Variants in STARD4 observed in about 807,000 individuals in gnomAD.
STARD4 encodes the protein stAR-related lipid transfer protein 4.
Under a neutral mutation model 24.9 loss-of-function variants are expected in STARD4, and 33 were observed. The observed-to-expected ratio is 1.32, with a 90% CI of 1.00 to 1.77. The LOEUF (loss-of-function observed/expected upper bound fraction) is 1.77, where lower values mean the gene tolerates loss of function less well. STARD4 is among the 40% of genes most tolerant of loss of function. STARD4 has a pLI of 0.00. For synonymous variants in STARD4, 88 were observed against 77.4 expected (o/e 1.14, Z -0.72); for missense variants, 238 against 249.3 (o/e 0.95, Z 0.31).
In STARD4 at chr5:111,498,126, C is replaced by T. The variant is rs1293321894; in HGVS notation, c.*1760G>A. The T allele has an allele frequency of 6.6e-6, 1 of 151,714 alleles. No homozygotes were observed. The highest frequency in any genetic ancestry group is 1.9e-4 in the East Asian group (1 of 5,190). The allele number at this position is 151,714 out of a possible 1,614,324, so 9.4% of individuals were successfully genotyped here. A position where few individuals can be genotyped will look rare whatever the true frequency, so the allele number is the denominator to read the frequency against. On this transcript the variant is annotated 3_prime_UTR_variant, in exon 6 of 6. Transcript: ENST00000296632. ...GTTTTTTTAAAGTACACAGCTAGAGCCCAGCAGATCTAAGGGGCCATCTAG... is the reference window on the plus strand; with the variant it reads ...GTTTTTTTAAAGTACACAGCTAGAGTCCAGCAGATCTAAGGGGCCATCTAG...
intron 3 of STARD4, among the ~76,000 whole-genome samples, chr5:111,504,610 T>A (rs896021907): frequency 2.7e-4 from 41 of 152,254 alleles, no homozygotes; most frequent in Non-Finnish European, 3.8e-4. Context: ...ACCTTTTTTT[T>A]AAAAAAGCAT....
rs1756139654 is a variant in STARD4, at chr5:111,497,111, A to C, written c.*2775T>G. On this transcript the variant is annotated 3_prime_UTR_variant, in exon 6 of 6. Coordinates refer to ENST00000296632, the MANE Select transcript of STARD4 (RefSeq NM_139164.3). ...CAGTATTATGCCAAATATTTCCCAC[A>C]TACACAAGTTTCTAATACGTACTAC... 6.6e-6 allele frequency: 1 copy of C among 152,062 alleles called. No individual in the cohort carries two copies. The highest frequency in any genetic ancestry group is 6.6e-5 in the Admixed American group (1 of 15,242). The allele number at this position is 152,062 out of a possible 1,614,324, so 9.4% of individuals were successfully genotyped here.
chr5:111,511,572 A>G (rs1757287470), intron 1 of STARD4, among the ~76,000 whole-genome samples: 1 of 151,950 alleles, frequency 6.6e-6, no homozygotes, highest in African/African-American at 2.4e-5. Flanking sequence ...TCCCTGTTTT[A>G]CAGAAAGGGA....
chr5:111,502,473 AAAAAAT>A (rs1171067159), intron 3 of STARD4, among the ~76,000 whole-genome samples: 7 of 151,768 alleles, frequency 4.6e-5, no homozygotes, highest in Admixed American at 2.6e-4. Flanking sequence ...CATCTCAAAA[AAAAAAT>A]AAAAATAAAA....
chr5:111,510,513 C>T (rs962691968), intron 1 of STARD4, among the ~76,000 whole-genome samples: 2 of 152,186 alleles, frequency 1.3e-5, no homozygotes, highest in African/African-American at 4.8e-5. Flanking sequence ...AACATTTACA[C>T]GTCAGAGAGA....
chr5:111,499,139 G>T lies in STARD4; in HGVS notation c.*747C>A, dbSNP rs1449523686. 6.6e-6 allele frequency: 1 copy of T among 152,126 alleles called. No individual in the cohort carries two copies. Among genetic ancestry groups the T allele is most frequent in the African/African-American group, 2.4e-5 (1 of 41,432 alleles). 9.4% of individuals were successfully genotyped at this position (152,126 alleles called of 1,614,324 possible). On this transcript the variant is annotated 3_prime_UTR_variant, in exon 6 of 6. Coordinates refer to ENST00000296632, the MANE Select transcript of STARD4 (RefSeq NM_139164.3). ...AAAGATTTGCCTGGATACCTGAATT[G>T]CCTCAAGTTCCCATTTTAGAAGTAA...
rs1756929846 is a variant in STARD4 at position 111,507,273 on chromosome 5, A to G, written c.105+56T>C. The G allele has an allele frequency of 1.4e-6, 2 of 1,421,776 alleles. No individual in the cohort carries two copies. Among genetic ancestry groups the G allele is most frequent in the African/African-American group, 2.9e-5 (2 of 70,050 alleles). The allele number at this position is 1,421,776 out of a possible 1,614,324, so 88.1% of individuals were successfully genotyped here. A position where few individuals can be genotyped will look rare whatever the true frequency, so the allele number is the denominator to read the frequency against. ...GTTCCATTTAATTTTAAAAGTCATC[A>G]ACCAATTCATTAGATAGAAGATATA... is the stretch of plus-strand genomic sequence containing the variant. On this transcript the variant is annotated intron_variant, in intron 2 of 5. Coordinates refer to ENST00000296632, the MANE Select transcript of STARD4 (RefSeq NM_139164.3). This position sits in a 1 kb window ranked among gnomAD's most constrained non-coding sequence, Gnocchi z 4.4.
At chr5:111,508,123 A>G (rs1757000339) in intron 1 of STARD4, among the ~76,000 whole-genome samples, 1 of 152,152 alleles carries the variant, frequency 6.6e-6, no homozygotes, top group Non-Finnish European at 1.5e-5. Context: ...ATAACAATGT[A>G]ATGCCAATTT....
intron 3 of STARD4, among the ~76,000 whole-genome samples, chr5:111,505,672 A>C (rs1756799430): frequency 6.6e-6 from 1 of 152,178 alleles, no homozygotes; most frequent in African/African-American, 2.4e-5. Context: ...CAAGTACTTA[A>C]ATCACTGTTA....
intron 3 of STARD4, among the ~76,000 whole-genome samples, chr5:111,502,693 T>A (rs1455598029): frequency 6.6e-6 from 1 of 151,812 alleles, no homozygotes; most frequent in African/African-American, 2.4e-5. Flanking sequence ...CTTGGGAGGC[T>A]GAGGCAGGAG....
intron 2 of STARD4, among the ~76,000 whole-genome samples, chr5:111,506,822 T>C (rs1051110011): frequency 6.6e-6 from 1 of 152,216 alleles, no homozygotes; most frequent in African/African-American, 2.4e-5. Context: ...TTCCTCATCA[T>C]TTCCCAAGTA....
intron 3 of STARD4, among the ~76,000 whole-genome samples, chr5:111,504,662 A>G (rs1756715625): frequency 6.6e-6 from 1 of 152,168 alleles, no homozygotes. Flanking sequence ...CCAAACTTAT[A>G]TTATCTCCCC....
In STARD4 at chr5:111,507,590, T is replaced by G; in HGVS notation, c.-9-148A>C. 1.9e-6 allele frequency: 1 copy of G among 537,650 alleles called. No homozygotes were observed. Among genetic ancestry groups the G allele is most frequent in the Non-Finnish European group, 3.2e-6 (1 of 313,472 alleles). The allele number at this position is 537,650 out of a possible 1,614,324, so 33.3% of individuals were successfully genotyped here. On this transcript the variant is annotated intron_variant, in intron 1 of 5. Coordinates refer to ENST00000296632, the MANE Select transcript of STARD4 (RefSeq NM_139164.3). The surrounding 1 kb of genome is among the most constrained non-coding windows in gnomAD (Gnocchi z 4.4). ...CCCCAAATCAACTAATCATAATCTC[T>G]GAGAGTAGGACCCGGGCATAGTTTT...
chr5:111,512,187 C>A (rs182543630), intron 1 of STARD4, 198 bp downstream of exon 1: 1 of 152,448 alleles, frequency 6.6e-6, no homozygotes, highest in Admixed American at 6.5e-5. Flanking sequence ...CTCCCAGGGG[C>A]TCAGGTTTCT....
In STARD4 at chr5:111,507,404, A is replaced by G; in HGVS notation, c.30T>C (p.Phe10=). 6.2e-7 allele frequency: 1 copy of G among 1,613,698 alleles called. No homozygotes were observed. Among genetic ancestry groups the G allele is most frequent in the Non-Finnish European group, 8.5e-7 (1 of 1,179,774 alleles). The stretch of plus-strand genomic sequence containing the variant: ...TGAGAGTGTTTTTAAGTTTAGTTGC[A>G]AAAGAAGCAACATCAGACAGGCCTT... MEGLSDVAS[F]ATKLKNTLIQ... The change falls in exon 2 of 6, where the codon TTT becomes TTC. Residue 10 remains phenylalanine (F), a synonymous_variant. Coordinates refer to ENST00000296632, the MANE Select transcript of STARD4 (RefSeq NM_139164.3). The surrounding 1 kb of genome is among the most constrained non-coding windows in gnomAD (Gnocchi z 4.4).
rs1339004525 is a variant in STARD4 at position 111,497,186 on chromosome 5, C to A, written c.*2700G>T. On this transcript the variant is annotated 3_prime_UTR_variant, in exon 6 of 6. Coordinates refer to ENST00000296632, the MANE Select transcript of STARD4 (RefSeq NM_139164.3). ...ATTTAACAAGAAGGCAGATTATATT[C>A]TTTCATTTCACCAACTGCCATATCA... 2 of 151,966 alleles carry A rather than the reference C, an allele frequency of 1.3e-5. No homozygotes were observed. Among genetic ancestry groups the A allele is most frequent in the Non-Finnish European group, 2.9e-5 (2 of 67,884 alleles). 9.4% of individuals were successfully genotyped at this position (151,966 alleles called of 1,614,324 possible).
rs1756146060 is a variant in STARD4, at chr5:111,497,211, A to C, written c.*2675T>G. ...CTTTCATTTCACCAACTGCCATATC[A>C]AAAGTTACTTATCTTTGAAGGAAAA... On this transcript the variant is annotated 3_prime_UTR_variant, in exon 6 of 6. Coordinates refer to ENST00000296632, the MANE Select transcript of STARD4 (RefSeq NM_139164.3). 1 of 152,072 alleles carries C rather than the reference A, an allele frequency of 6.6e-6. No homozygotes were observed. 9.4% of individuals were successfully genotyped at this position (152,072 alleles called of 1,614,324 possible).
rs570475487 is a variant in STARD4, at chr5:111,497,631, T to C, written c.*2255A>G. On this transcript the variant is annotated 3_prime_UTR_variant, in exon 6 of 6. Coordinates refer to ENST00000296632, the MANE Select transcript of STARD4 (RefSeq NM_139164.3). ...AATATTAAAATTAACTTCAGCTGTT[T>C]ATTTTTATTTTTTAATGTGGCTTCT... 1 of 152,208 alleles carries C rather than the reference T, an allele frequency of 6.6e-6. No homozygotes were observed. The highest frequency in any genetic ancestry group is 1.5e-5 in the Non-Finnish European group (1 of 67,922). The allele number at this position is 152,208 out of a possible 1,614,324, so 9.4% of individuals were successfully genotyped here. A position where few individuals can be genotyped will look rare whatever the true frequency, so the allele number is the denominator to read the frequency against.
At chr5:111,501,242 T>G in intron 4 of STARD4, 126 bp from the exon 5 acceptor site, 1 of 1,054,016 alleles carries the variant, frequency 9.5e-7, no homozygotes, top group South Asian at 2.2e-5. Context: ...TAATAATTCT[T>G]ACACTGATTC....
Sources: allele counts gnomAD v4.1 joint callset (sites outside exome capture counted in the v4.1 genomes callset), GRCh38; gene constraint gnomAD v4.1.1; non-coding constraint Gnocchi (gnomAD v3.1); transcripts MANE v1.5; gene names NCBI Gene and HGNC (gene_info 2026-07-23, HGNC 2026-07-21).